Variants in PACSIN2 observed in about 807,000 individuals in gnomAD.
PACSIN2 encodes the protein protein kinase C and casein kinase substrate in neurons 2, also known as protein kinase C and casein kinase substrate in neurons protein 2.
A neutral mutation model predicts 63.8 loss-of-function variants in PACSIN2; 25 were observed. That is an observed-to-expected ratio of 0.39 (90% CI 0.29 to 0.55). PACSIN2 has a LOEUF of 0.55. Ranked by LOEUF, PACSIN2 falls within the 20% of genes least tolerant of loss-of-function variation. The pLI, the probability that PACSIN2 is intolerant of heterozygous loss-of-function variation, is 0.62. For missense variants in PACSIN2, 518 were observed against 646.9 expected (o/e 0.80, Z 2.16); for synonymous variants, 255 against 256.2 (o/e 1.00, Z 0.05).
At chr22:42,939,959 G>A (rs936811634) in intron 1 of PACSIN2, among the ~76,000 whole-genome samples, 36 of 152,278 alleles carry the variant, frequency 2.4e-4, no homozygotes, top group African/African-American at 8.2e-4. Context: ...GCGTCTACCC[G>A]GCCTTCAATA....
At chr22:42,935,064 C>T (rs528448722) in intron 1 of PACSIN2, among the ~76,000 whole-genome samples, 47 of 151,904 alleles carry the variant, frequency 3.1e-4, no homozygotes, top group African/African-American at 7.2e-4. Context: ...TACAGGTGCC[C>T]GCCACCGCGC....
intron 1 of PACSIN2, among the ~76,000 whole-genome samples, chr22:42,975,457 A>AATATATATATATATATATAT (rs57140073): frequency 7.8e-5 from 11 of 140,730 alleles, no homozygotes; most frequent in South Asian, 2.2e-4. Flanking sequence ...AATATATACA[A>AATATATATATATATATATAT]ATATATATAT....
chr22:42,892,751 C>T (rs1174267413), intron 3 of PACSIN2, among the ~76,000 whole-genome samples: 1 of 152,196 alleles, frequency 6.6e-6, no homozygotes, highest in Non-Finnish European at 1.5e-5. Context: ...GGACCTGGCT[C>T]CCCTGATTGG....
At chr22:42,990,687 G>GTT (rs1922982009) in intron 1 of PACSIN2, among the ~76,000 whole-genome samples, 1 of 152,054 alleles carries the variant, frequency 6.6e-6, no homozygotes, top group Non-Finnish European at 1.5e-5. Flanking sequence ...AGACTCAACG[G>GTT]GTAAGCAGGG....
intron 10 of PACSIN2, among the ~76,000 whole-genome samples, chr22:42,874,516 GCA>G (rs914753326): frequency 6.6e-6 from 1 of 152,192 alleles, no homozygotes; most frequent in Non-Finnish European, 1.5e-5. Flanking sequence ...AGGTAGGTGT[GCA>G]CACACACAAG....
intron 1 of PACSIN2, among the ~76,000 whole-genome samples, chr22:42,915,180 G>A (rs1931731011): frequency 6.6e-6 from 1 of 152,166 alleles, no homozygotes; most frequent in Non-Finnish European, 1.5e-5. Flanking sequence ...AGATTTAAGA[G>A]CCCACTAAGT....
At chr22:42,968,197 G>C (rs1920998315) in intron 1 of PACSIN2, among the ~76,000 whole-genome samples, 1 of 152,176 alleles carries the variant, frequency 6.6e-6, no homozygotes, top group Non-Finnish European at 1.5e-5. Flanking sequence ...GACAGCTGTG[G>C]GTGATTGCAA....
At chr22:42,994,004 T>C (rs1331509156) in intron 1 of PACSIN2, among the ~76,000 whole-genome samples, 2 of 152,176 alleles carry the variant, frequency 1.3e-5, no homozygotes, top group Non-Finnish European at 2.9e-5. Flanking sequence ...TAAGTCAACA[T>C]TAAAAACTCT....
chr22:42,886,950 ATC>A (rs892025055), intron 5 of PACSIN2, among the ~76,000 whole-genome samples: 7 of 152,100 alleles, frequency 4.6e-5, no homozygotes, highest in African/African-American at 1.7e-4. Context: ...CTTCCTCTCC[ATC>A]TCTGTCTCCC....
intron 1 of PACSIN2, among the ~76,000 whole-genome samples, chr22:42,962,727 C>A (rs931286690): frequency 8.0e-6 from 1 of 125,708 alleles, no homozygotes; most frequent in Non-Finnish European, 1.6e-5. Context: ...TGGGTGGAGG[C>A]ATTGTGAGTC....
chr22:42,931,469 G>C (rs1932775806), intron 1 of PACSIN2, among the ~76,000 whole-genome samples: 1 of 152,206 alleles, frequency 6.6e-6, no homozygotes, highest in South Asian at 2.1e-4. Context: ...AGAGGCAGGA[G>C]GTGTCCGAGA....
intron 2 of PACSIN2, among the ~76,000 whole-genome samples, chr22:42,905,632 G>A (rs1321669075): frequency 1.3e-5 from 2 of 152,214 alleles, no homozygotes; most frequent in African/African-American, 4.8e-5. Context: ...TCCCAGTATC[G>A]GGAATGGCTG....
rs780549120 is a variant in PACSIN2 at position 42,954,833 on chromosome 22, G to A, written c.-77-42676C>T. On this transcript the variant is annotated intron_variant, in intron 1 of 10. Coordinates refer to ENST00000263246, the MANE Select transcript of PACSIN2 (RefSeq NM_001184970.3). ...GCAGGGATTCAAAGTCTCAAATTTC[G>A]GAGGCATGGTAGGTGATAATGCCAC... is the stretch of plus-strand genomic sequence containing the variant. 5.3e-5 allele frequency among the ~76,000 whole-genome samples: 8 copies of A among 152,090 alleles called. No individual in the cohort carries two copies. The South Asian group carries it at 8.3e-4, about 16-fold the overall frequency.
At position 42,912,147 on chromosome 22, in the gene PACSIN2, T is replaced by C. The variant is rs1480009504; in HGVS notation, c.-67A>G. ...GGGTCAACTTCGAACGCTCAAAATC[T>C]GTAGACAAACCTATAAATGAAAAAC... is the stretch of plus-strand genomic sequence containing the variant. On this transcript the variant is annotated 5_prime_UTR_variant, in exon 2 of 11. Transcript: ENST00000263246. The C allele has an allele frequency of 9.2e-7, 1 of 1,086,328 alleles. No homozygotes were observed. The highest frequency in any genetic ancestry group is 1.4e-6 in the Non-Finnish European group (1 of 739,460). 67.3% of individuals were successfully genotyped at this position (1,086,328 alleles called of 1,614,324 possible). A position where few individuals can be genotyped will look rare whatever the true frequency, so the allele number is the denominator to read the frequency against.
chr22:42,924,295 A>G (rs4820496), intron 1 of PACSIN2, among the ~76,000 whole-genome samples: 100,813 of 152,036 alleles, frequency 0.66, 35,421 homozygotes, highest in African/African-American at 0.88. Context: ...CCTCTAACAG[A>G]GCTCCCAGCT....
chr22:42,903,866 C>CT (rs1201525910), intron 2 of PACSIN2, among the ~76,000 whole-genome samples: 1 of 152,186 alleles, frequency 6.6e-6, no homozygotes, highest in African/African-American at 2.4e-5. Context: ...CCAACACTGA[C>CT]TGGCCGTATC....
In PACSIN2 at chr22:42,879,055, G is replaced by A. The variant is rs375874057; in HGVS notation, c.1021C>T (p.Pro341Ser). Residue 341 changes from proline (P) to serine (S), a missense_variant, in exon 8 of 11, where the codon CCC (proline) becomes TCC (serine). Physicochemically the swap from Pro to Ser is moderately conservative, Grantham distance 74 (BLOSUM62 -1). Coordinates refer to ENST00000263246, the MANE Select transcript of PACSIN2 (RefSeq NM_001184970.3). ...GAGGTGGCGCCCACTCACCTGCTGG[G>A]CTTACTCGGCAGAGACTGGTCGCCT... ...QTGDQSLPSK[P>S]SSTLNVPSNP... 2 of 1,613,648 alleles carry A rather than the reference G, an allele frequency of 1.2e-6. No homozygotes were observed. Among genetic ancestry groups the A allele is most frequent in the Middle Eastern group, 1.7e-4 (1 of 6,026 alleles).
intron 1 of PACSIN2, among the ~76,000 whole-genome samples, chr22:42,938,799 AGAC>A (rs1373734575): frequency 2.6e-5 from 4 of 152,368 alleles, no homozygotes; most frequent in African/African-American, 9.6e-5. Flanking sequence ...TAACAAGAGA[AGAC>A]GACAAGGGAA....
At chr22:42,937,444 C>T (rs1044344797) in intron 1 of PACSIN2, among the ~76,000 whole-genome samples, 1 of 152,104 alleles carries the variant, frequency 6.6e-6, no homozygotes, top group Non-Finnish European at 1.5e-5. Flanking sequence ...TAAACGGGCA[C>T]CGAAGACAAA....
Sources: gnomAD v4.1 joint callset for allele counts (sites outside exome capture counted in the v4.1 genomes callset) on GRCh38, gnomAD v4.1.1 for gene constraint, MANE v1.5 for transcripts, NCBI Gene and HGNC (gene_info 2026-07-23, HGNC 2026-07-21) for gene names.